The following KATNAL1 variants were observed in gnomAD, a reference collection of about 807,000 sequenced individuals.
The protein encoded by KATNAL1 is katanin p60 ATPase-containing subunit A-like 1.
Under a neutral mutation model 55.2 loss-of-function variants are expected in KATNAL1, and 32 were observed. That is an observed-to-expected ratio of 0.58 (90% CI 0.44 to 0.78). KATNAL1 has a LOEUF of 0.78. Ranked by LOEUF, KATNAL1 falls within the 30% of genes least tolerant of loss-of-function variation. The pLI is 0.00. For synonymous variants in KATNAL1, 193 were observed against 193.6 expected (o/e 1.00, Z 0.02); for missense variants, 466 against 600.9 (o/e 0.78, Z 2.35).
At chr13:30,209,079 AAC>A (rs1263225911) in intron 10 of KATNAL1, among the ~76,000 whole-genome samples, 1 of 152,236 alleles carries the variant, frequency 6.6e-6, no homozygotes. Context: ...CTTGGAAATG[AAC>A]ATATGGCTAA....
intron 3 of KATNAL1, among the ~76,000 whole-genome samples, chr13:30,263,830 C>T (rs958414163): frequency 3.5e-5 from 5 of 144,112 alleles, no homozygotes; most frequent in African/African-American, 1.3e-4. Flanking sequence ...AATGCCATCC[C>T]CATCAAGCTA....
chr13:30,248,781 C>G (rs1878023916), intron 4 of KATNAL1, among the ~76,000 whole-genome samples: 6 of 152,136 alleles, frequency 3.9e-5, no homozygotes, highest in Admixed American at 3.9e-4. Flanking sequence ...AAAAATTGGC[C>G]AGGTGCGGGG....
chr13:30,231,701 A>G (rs1275545445), intron 6 of KATNAL1, among the ~76,000 whole-genome samples: 1 of 152,172 alleles, frequency 6.6e-6, no homozygotes, highest in African/African-American at 2.4e-5. Context: ...CCTAACAAAA[A>G]GACTAGACAA....
Position 30,205,427 on chromosome 13 carries a change from C to G in KATNAL1, c.*3113G>C, listed in dbSNP as rs1168872852. ...ATCTGCAAAGCAGACTTAGCTTAGTCCTACAGTCATTGTGCTGCAGAACTC... is the reference window on the plus strand; with the variant it reads ...ATCTGCAAAGCAGACTTAGCTTAGTGCTACAGTCATTGTGCTGCAGAACTC... On this transcript the variant is annotated 3_prime_UTR_variant, in exon 11 of 11. Coordinates refer to ENST00000380615, the MANE Select transcript of KATNAL1 (RefSeq NM_032116.5). 6.6e-6 allele frequency: 1 copy of G among 152,268 alleles called. No individual in the cohort carries two copies. The highest frequency in any genetic ancestry group is 1.5e-5 in the Non-Finnish European group (1 of 68,084). The allele number at this position is 152,268 out of a possible 1,614,324, so 9.4% of individuals were successfully genotyped here. A position where few individuals can be genotyped will look rare whatever the true frequency, so the allele number is the denominator to read the frequency against.
intron 8 of KATNAL1, among the ~76,000 whole-genome samples, chr13:30,230,192 G>C (rs1484160096): frequency 6.6e-6 from 1 of 152,100 alleles, no homozygotes; most frequent in Non-Finnish European, 1.5e-5. Flanking sequence ...AGATCCCTAG[G>C]ACTCTAGATC....
chr13:30,256,974 G>C (rs1878849297), intron 3 of KATNAL1, among the ~76,000 whole-genome samples: 1 of 152,162 alleles, frequency 6.6e-6, no homozygotes. Context: ...CCTCAGGAAA[G>C]CAACTACAAA....
intron 3 of KATNAL1, among the ~76,000 whole-genome samples, chr13:30,260,565 C>T (rs746902153): frequency 0.05 from 7,635 of 151,876 alleles, 257 homozygotes; most frequent in Admixed American, 0.077. Context: ...GAGAACTACG[C>T]AAAGAATGCA....
Position 30,207,922 on chromosome 13 carries a change from A to G in KATNAL1, c.*618T>C, listed in dbSNP as rs45484093. ...CCTGGCAAAATGATTCAAATACCAC[A>G]GAGCGTGAGAATATTCCTCAGTAAA... is the stretch of plus-strand genomic sequence containing the variant. On this transcript the variant is annotated 3_prime_UTR_variant, in exon 11 of 11. Transcript: ENST00000380615. 0.064 allele frequency: 9,683 copies of G among 152,338 alleles called. 417 individuals are homozygous for G. Among genetic ancestry groups the G allele is most frequent in the South Asian group, 0.091 (439 of 4,826 alleles). The allele number at this position is 152,338 out of a possible 1,614,324, so 9.4% of individuals were successfully genotyped here.
intron 3 of KATNAL1, among the ~76,000 whole-genome samples, chr13:30,267,706 T>C (rs2137495380): frequency 6.6e-6 from 1 of 152,220 alleles, no homozygotes; most frequent in East Asian, 1.9e-4. Flanking sequence ...CTAAGTAAAA[T>C]GTAACCAATA....
chr13:30,225,498 A>G (rs1349359399), intron 9 of KATNAL1, among the ~76,000 whole-genome samples: 1 of 152,210 alleles, frequency 6.6e-6, no homozygotes, highest in African/African-American at 2.4e-5. Context: ...TTAAAATACA[A>G]TGGAACAGAA....
chr13:30,240,895 C>A, intron 5 of KATNAL1, 64 bp downstream of exon 5: 2 of 1,472,280 alleles, frequency 1.4e-6, no homozygotes, highest in Non-Finnish European at 9.3e-7. Flanking sequence ...AAAACTCACA[C>A]ACCAAGACAA....
At chr13:30,296,063 A>T in intron 1 of KATNAL1, 1 of 224,396 alleles carries the variant, frequency 4.5e-6, no homozygotes, top group Non-Finnish European at 8.7e-6. Context: ...AAAAATTTTA[A>T]TTAGTCACAT....
At chr13:30,218,833 A>C (rs570315106) in intron 9 of KATNAL1, among the ~76,000 whole-genome samples, 25 of 152,216 alleles carry the variant, frequency 1.6e-4, no homozygotes, top group Admixed American at 1.6e-3. Flanking sequence ...AGTCACCCCC[A>C]ACCACGACCC....
At position 30,278,709 on chromosome 13, in the gene KATNAL1, C is replaced by T. The variant is rs73163482; in HGVS notation, c.323+1354G>A. Among the ~76,000 whole-genome samples, 398 of 152,248 alleles carry T rather than the reference C, an allele frequency of 2.6e-3. 1 individual carries two copies. Among genetic ancestry groups the T allele is most frequent in the Non-Finnish European group, 3.9e-3 (264 of 68,004 alleles). The stretch of plus-strand genomic sequence containing the variant: ...AGTATATTTCAGAATTAATGACTTT[C>T]AGTAAAAAACAAGGTATTTCATTGT... On this transcript the variant is annotated intron_variant, in intron 3 of 10. Transcript: ENST00000380615.
In KATNAL1 at chr13:30,226,348, T is replaced by C. The variant is rs571341654; in HGVS notation, c.1147+1064A>G. ...AGAAAGTTTACAGCTTTATTCATAATAGCCAAAAAACTAGGAATAACTTAA... is the reference window on the plus strand; with the variant it reads ...AGAAAGTTTACAGCTTTATTCATAACAGCCAAAAAACTAGGAATAACTTAA... On this transcript the variant is annotated intron_variant, in intron 9 of 10. Transcript: ENST00000380615. Among the ~76,000 whole-genome samples the C allele has an allele frequency of 5.9e-5, 9 of 152,258 alleles. No individual in the cohort carries two copies. The East Asian group carries it at 1.5e-3, about 26-fold the overall frequency.
intron 3 of KATNAL1, among the ~76,000 whole-genome samples, chr13:30,262,884 C>T (rs1879424928): frequency 6.6e-6 from 1 of 152,084 alleles, no homozygotes; most frequent in African/African-American, 2.4e-5. Context: ...CCAGCATCAT[C>T]CTGATACCAA....
intron 4 of KATNAL1, among the ~76,000 whole-genome samples, chr13:30,244,770 C>T (rs1290195074): frequency 1.3e-5 from 2 of 152,158 alleles, no homozygotes; most frequent in Non-Finnish European, 2.9e-5. Context: ...ACTATAAACA[C>T]CTCTACGCAA....
intron 4 of KATNAL1, among the ~76,000 whole-genome samples, chr13:30,250,904 C>T (rs368212589): frequency 1.8e-4 from 28 of 152,170 alleles, no homozygotes; most frequent in Non-Finnish European, 3.5e-4. Context: ...TTCGGGAGGC[C>T]GAGGCGGGCG....
At chr13:30,258,348 T>C (rs1394484069) in intron 3 of KATNAL1, among the ~76,000 whole-genome samples, 1 of 152,250 alleles carries the variant, frequency 6.6e-6, no homozygotes, top group Non-Finnish European at 1.5e-5. Flanking sequence ...GTAAATGTTA[T>C]TGGTACTGCT....
Sources: gnomAD v4.1 joint callset for allele counts (sites outside exome capture counted in the v4.1 genomes callset) on GRCh38, gnomAD v4.1.1 for gene constraint, MANE v1.5 for transcripts, NCBI Gene and HGNC (gene_info 2026-07-23, HGNC 2026-07-21) for gene names.